The following COL4A1 variants were observed in gnomAD, a reference collection of about 807,000 sequenced individuals.
COL4A1 encodes the protein collagen alpha-1(IV) chain.
Under a neutral mutation model 216.6 loss-of-function variants are expected in COL4A1, and 40 were observed. The ratio of observed to expected loss-of-function variants is 0.18; its 90% CI spans 0.14 to 0.24. The LOEUF (loss-of-function observed/expected upper bound fraction) is 0.24, where lower values mean the gene tolerates loss of function less well. COL4A1 is among the 10% of genes least tolerant of loss of function. The probability of loss-of-function intolerance (pLI) is 1.00; values close to 1 mark genes in which losing one functional copy is unlikely to be tolerated. For synonymous variants in COL4A1, 839 were observed against 810.7 expected (o/e 1.03, Z -0.59); for missense variants, 1,628 against 2,196.8 (o/e 0.74, Z 5.18).
chr13:110,252,821 CGT>C (rs1882215111), intron 1 of COL4A1, among the ~76,000 whole-genome samples: 1 of 128,344 alleles, frequency 7.8e-6, no homozygotes, highest in African/African-American at 2.9e-5. Context: ...ACTATAAGTA[CGT>C]ATGTATTACA....
intron 2 of COL4A1, among the ~76,000 whole-genome samples, chr13:110,230,322 G>A (rs1566395852): frequency 1.3e-5 from 2 of 152,078 alleles, no homozygotes; most frequent in African/African-American, 2.4e-5. Flanking sequence ...TATGTGATAT[G>A]TGCATGCACG....
chr13:110,206,048 AAG>A (rs1879500508), intron 15 of COL4A1, among the ~76,000 whole-genome samples: 1 of 152,204 alleles, frequency 6.6e-6, no homozygotes, highest in Non-Finnish European at 1.5e-5. Flanking sequence ...GTTACAATAT[AAG>A]AGAACTCCAT....
At position 110,182,848 on chromosome 13, in the gene COL4A1, C is replaced by A. The variant is rs7329411; in HGVS notation, c.2095+145G>T. On this transcript the variant is annotated intron_variant, in intron 28 of 51. Coordinates refer to ENST00000375820, the MANE Select transcript of COL4A1 (RefSeq NM_001845.6). ...TATTGCCTAGAAGCTCCTGAAATCA[C>A]TGGGCTCAGCACTGCTTGGGCTCTT... 0.36 allele frequency: 257,820 copies of A among 709,020 alleles called. 47,905 individuals are homozygous for A. The highest frequency in any genetic ancestry group is 0.46 in the African/African-American group (25,569 of 55,802). 43.9% of individuals were successfully genotyped at this position (709,020 alleles called of 1,614,324 possible).
intron 2 of COL4A1, among the ~76,000 whole-genome samples, chr13:110,235,650 C>G (rs1881283867): frequency 1.1e-5 from 1 of 92,060 alleles, no homozygotes; most frequent in Admixed American, 1.4e-4. Flanking sequence ...CAGAGTAAGA[C>G]TCTGTCTCAA....
At chr13:110,255,517 C>T (rs1882471441) in intron 1 of COL4A1, among the ~76,000 whole-genome samples, 2 of 122,992 alleles carry the variant, frequency 1.6e-5, no homozygotes, top group Non-Finnish European at 3.5e-5. Flanking sequence ...ACGGTGATTC[C>T]ACCAGGAACA....
At chr13:110,237,334 T>C (rs577631733) in intron 2 of COL4A1, among the ~76,000 whole-genome samples, 33 of 152,156 alleles carry the variant, frequency 2.2e-4, no homozygotes, top group South Asian at 1.9e-3. Context: ...TTATTAGCTA[T>C]AGAAGATGGG....
rs1878911246 is a variant in COL4A1 at position 110,196,779 on chromosome 13, A to G, written c.1286-1661T>C. Among the ~76,000 whole-genome samples, 3 of 152,340 alleles carry G rather than the reference A, an allele frequency of 2.0e-5. 1 individual carries two copies. The South Asian group carries it at 6.2e-4, about 32-fold the overall frequency. On this transcript the variant is annotated intron_variant, in intron 21 of 51. Transcript: ENST00000375820. ...AGAGCTGGCTGTACCCACTTGAGAC[A>G]AGAATGCAGTGGCAGAACTTACATG...
intron 1 of COL4A1, among the ~76,000 whole-genome samples, chr13:110,284,160 C>A (rs1293504247): frequency 6.6e-6 from 1 of 152,194 alleles, no homozygotes; most frequent in Non-Finnish European, 1.5e-5. Context: ...GATGTGCTCC[C>A]CCAGGTAGAA....
At chr13:110,288,863 C>A (rs535844360) in intron 1 of COL4A1, among the ~76,000 whole-genome samples, 83 of 152,270 alleles carry the variant, frequency 5.5e-4, no homozygotes, top group Non-Finnish European at 9.9e-4. Flanking sequence ...GAAACCCTAT[C>A]TCTACTAAAA....
At chr13:110,216,892 G>A (rs1251053756) in intron 2 of COL4A1, among the ~76,000 whole-genome samples, 1 of 152,148 alleles carries the variant, frequency 6.6e-6, no homozygotes, top group Non-Finnish European at 1.5e-5. Flanking sequence ...CGTGCTGCTG[G>A]GAACAGAACA....
rs2298237 is a variant in COL4A1 at position 110,152,108 on chromosome 13, G to A, written c.4928+226C>T. ...CACTCACCTAGAAAAAATGGAAAAT[G>A]ACCTTTTTCTTTCATGGTTCTTCGG... is the stretch of plus-strand genomic sequence containing the variant. On this transcript the variant is annotated intron_variant, in intron 51 of 51. Coordinates refer to ENST00000375820, the MANE Select transcript of COL4A1 (RefSeq NM_001845.6). 0.057 allele frequency among the ~76,000 whole-genome samples: 8,622 copies of A among 152,120 alleles called. 388 individuals carry two copies. Among genetic ancestry groups the A allele is most frequent in the East Asian group, 0.24 (1,252 of 5,146 alleles).
chr13:110,183,179 C>T lies in COL4A1; in HGVS notation c.1990+5G>A, dbSNP rs777724167. 25 of 1,613,650 alleles carry T rather than the reference C, an allele frequency of 1.5e-5. No individual in the cohort carries two copies. Among genetic ancestry groups the T allele is most frequent in the South Asian group, 3.3e-5 (3 of 91,014 alleles). On this transcript the variant is annotated splice_donor_5th_base_variant and intron_variant, in intron 27 of 51. Transcript: ENST00000375820. ...TATCCCGGTGAGCTGGAATTCCAAT[C>T]GTACCTTGGGGACCTGGGAAGCCTG...
chr13:110,170,800 G>A lies in COL4A1; in HGVS notation c.3557-68C>T, dbSNP rs552655576. 188 of 1,548,560 alleles carry A rather than the reference G, an allele frequency of 1.2e-4. 3 individuals are homozygous for A. In the African/African-American group the frequency reaches 2.0e-3, roughly 17 times the overall value. ...CAGAACAGTAATCTCCAGCGTGGACGGCAGAGATGGGATGAGGCGTGCCTC... is the reference window on the plus strand; with the variant it reads ...CAGAACAGTAATCTCCAGCGTGGACAGCAGAGATGGGATGAGGCGTGCCTC... On this transcript the variant is annotated intron_variant, in intron 41 of 51. Coordinates refer to ENST00000375820, the MANE Select transcript of COL4A1 (RefSeq NM_001845.6).
intron 21 of COL4A1, among the ~76,000 whole-genome samples, chr13:110,196,710 T>C (rs1002777365): frequency 6.6e-6 from 1 of 152,252 alleles, no homozygotes; most frequent in African/African-American, 2.4e-5. Flanking sequence ...GTTTACATTT[T>C]ACAACGCCTT....
chr13:110,281,910 C>T (rs944443964), intron 1 of COL4A1, among the ~76,000 whole-genome samples: 3 of 152,218 alleles, frequency 2.0e-5, no homozygotes, highest in Admixed American at 1.3e-4. Flanking sequence ...CTTTCGCATT[C>T]CCCTGGCCAC....
At chr13:110,233,108 T>C (rs1005314823) in intron 2 of COL4A1, among the ~76,000 whole-genome samples, 1 of 152,150 alleles carries the variant, frequency 6.6e-6, no homozygotes, top group Non-Finnish European at 1.5e-5. Flanking sequence ...CCAGGGGCTT[T>C]TCTAGGGTAC....
At chr13:110,176,379 TCACA>T in intron 36 of COL4A1, 41 bp downstream of exon 36, 1 of 1,281,110 alleles carries the variant, frequency 7.8e-7, no homozygotes, top group South Asian at 1.2e-5. Context: ...CCTACCAGTA[TCACA>T]CGCACACATG....
intron 25 of COL4A1, 97 bp downstream of exon 25, chr13:110,187,041 G>A: frequency 6.9e-7 from 1 of 1,452,784 alleles, no homozygotes; most frequent in Non-Finnish European, 9.6e-7. Flanking sequence ...TCATCAAGGA[G>A]ATAGAAATAC....
intron 2 of COL4A1, among the ~76,000 whole-genome samples, chr13:110,222,110 T>G (rs550347790): frequency 1.4e-4 from 22 of 152,060 alleles, no homozygotes; most frequent in Middle Eastern, 3.4e-3. Flanking sequence ...TCCAGGCACC[T>G]GCGACCCACA....
Sources: gnomAD v4.1 joint callset for allele counts (sites outside exome capture counted in the v4.1 genomes callset) on GRCh38, gnomAD v4.1.1 for gene constraint, MANE v1.5 for transcripts, NCBI Gene and HGNC (gene_info 2026-07-23, HGNC 2026-07-21) for gene names.